Variants in TRIP12 observed in about 807,000 individuals in gnomAD.
TRIP12 encodes thyroid hormone receptor interactor 12, also known as E3 ubiquitin-protein ligase TRIP12.
In TRIP12, 25 loss-of-function variants were observed where a neutral mutation model predicts 244.2. That is an observed-to-expected ratio of 0.10 (90% confidence interval 0.07 to 0.14). The LOEUF is 0.14. TRIP12 is among the 10% of genes least tolerant of loss of function. TRIP12 has a pLI of 1.00. For synonymous variants in TRIP12, 905 were observed against 873.1 expected (o/e 1.04, Z -0.64); for missense variants, 1,677 against 2,486.4 (o/e 0.67, Z 6.92).
chr2:229,858,778 A>C lies in TRIP12; in HGVS notation c.1021T>G (p.Leu341Val). 1 of 1,565,088 alleles carries C rather than the reference A, an allele frequency of 6.4e-7. No individual in the cohort carries two copies. The highest frequency in any genetic ancestry group is 8.7e-7 in the Non-Finnish European group (1 of 1,154,468). ...KPGPSGLQAK[L>V]ASLRKSTKKR... ...TACCTTTTTGTAAACTTACTTGCTA[A>C]TTTGGCCTGTAATCCAGAAGGTCCA... Residue 341 changes from leucine (L) to valine (V), a missense_variant, in exon 4 of 42, where the codon TTA (leucine) becomes GTA (valine). Around this residue, in one of 11 missense-constraint regions of TRIP12, gnomAD observed 143 missense variants for 215.6 expected, o/e 0.66. Transcript: ENST00000675903.
chr2:229,884,572 T>A (rs922037758), intron 1 of TRIP12, among the ~76,000 whole-genome samples: 5 of 152,040 alleles, frequency 3.3e-5, no homozygotes, highest in African/African-American at 1.2e-4. Flanking sequence ...ATTCTTAATA[T>A]CATACGCACA....
intron 4 of TRIP12, among the ~76,000 whole-genome samples, chr2:229,850,923 G>C (rs750192424): frequency 6.6e-6 from 1 of 152,238 alleles, no homozygotes; most frequent in Non-Finnish European, 1.5e-5. Context: ...CGCTGCACTC[G>C]ATTTCTCGCC....
In TRIP12 at chr2:229,769,243, T is replaced by A; in HGVS notation, c.5891A>T (p.Tyr1964Phe). The A allele has an allele frequency of 6.2e-7, 1 of 1,613,466 alleles. No homozygotes were observed. The highest frequency in any genetic ancestry group is 8.5e-7 in the Non-Finnish European group (1 of 1,179,698). Residue 1964 changes from tyrosine to phenylalanine, a missense_variant, in exon 40 of 42, where the codon TAT becomes TTT. This residue lies in a region of TRIP12 where 171 missense variants were observed against 388.4 expected (regional missense o/e 0.44). Coordinates refer to ENST00000675903, the MANE Select transcript of TRIP12 (RefSeq NM_001348323.3). ...CCCCAGTACTTACCTGTCATGAGTA[T>A]AACCATGATCAGGCCTACAGCATTC... ...LMECCRPDHG[Y>F]THDSRAVKFL...
chr2:229,785,500 A>G (rs572889110), intron 34 of TRIP12, among the ~76,000 whole-genome samples: 2 of 152,370 alleles, frequency 1.3e-5, no homozygotes, highest in Non-Finnish European at 2.9e-5. Context: ...GAAAGTTATC[A>G]GCTGTTTAAA....
intron 8 of TRIP12, among the ~76,000 whole-genome samples, chr2:229,821,592 T>A (rs1335210826): frequency 6.6e-6 from 1 of 152,188 alleles, no homozygotes; most frequent in African/African-American, 2.4e-5. Context: ...TGAAATTTGA[T>A]CTGCATTTAA....
intron 13 of TRIP12, among the ~76,000 whole-genome samples, chr2:229,813,423 TAAA>T (rs2047740327): frequency 6.6e-6 from 1 of 152,074 alleles, no homozygotes; most frequent in Non-Finnish European, 1.5e-5. Context: ...TGGATAAAAA[TAAA>T]AAATATCAGA....
At chr2:229,787,307 G>A (rs180905421) in intron 33 of TRIP12, among the ~76,000 whole-genome samples, 198 bp downstream of exon 33, 16 of 152,216 alleles carry the variant, frequency 1.1e-4, no homozygotes, top group Admixed American at 7.2e-4. Context: ...AAACTGGGGG[G>A]TGGGGAGGAG....
At chr2:229,845,026 C>A (rs1376258058) in intron 4 of TRIP12, among the ~76,000 whole-genome samples, 2 of 152,166 alleles carry the variant, frequency 1.3e-5, no homozygotes, top group African/African-American at 4.8e-5. Flanking sequence ...CTCCACCATA[C>A]TGATTCATTC....
chr2:229,912,753 A>G (rs2074568332), intron 1 of TRIP12, among the ~76,000 whole-genome samples: 1 of 152,238 alleles, frequency 6.6e-6, no homozygotes. Context: ...CTCATCTACA[A>G]CAAAGTACAT....
intron 2 of TRIP12, among the ~76,000 whole-genome samples, chr2:229,871,670 T>A (rs2062627966): frequency 6.6e-6 from 1 of 152,206 alleles, no homozygotes. Flanking sequence ...AAACCTCTTT[T>A]CTTTATAAAT....
At position 229,764,123 on chromosome 2, in the gene TRIP12, A is replaced by G. The variant is rs1468682230; in HGVS notation, c.*3431T>C. The G allele has an allele frequency of 1.3e-5, 2 of 152,230 alleles. No individual in the cohort carries two copies. Among genetic ancestry groups the G allele is most frequent in the Non-Finnish European group, 2.9e-5 (2 of 68,034 alleles). The allele number at this position is 152,230 out of a possible 1,614,324, so 9.4% of individuals were successfully genotyped here. On this transcript the variant is annotated 3_prime_UTR_variant, in exon 42 of 42. Transcript: ENST00000675903. ...TAGCATTAAGAACTTTTCCTTGCAT[A>G]AGAATTGTTAACTTGAAGTTCTTGG...
chr2:229,821,488 C>T (rs2050046450), intron 8 of TRIP12, among the ~76,000 whole-genome samples: 1 of 152,134 alleles, frequency 6.6e-6, no homozygotes, highest in South Asian at 2.1e-4. Context: ...TGCAACTACT[C>T]AACTCTAGCA....
intron 19 of TRIP12, 105 bp downstream of exon 19, chr2:229,803,868 GACAAAAAAGAGCTCAAGATACTCCTA>G (rs1317020720): frequency 7.9e-6 from 7 of 880,528 alleles, no homozygotes; most frequent in Non-Finnish European, 1.0e-5. Flanking sequence ...AATATAAATA[GACAAAAAAGAGCTCAAGATACTCCTA>G]ACAAATTTTT....
intron 21 of TRIP12, among the ~76,000 whole-genome samples, chr2:229,801,214 A>G (rs145273228): frequency 1.3e-5 from 2 of 152,196 alleles, no homozygotes; most frequent in Admixed American, 6.5e-5. Context: ...ATCTCCTCAG[A>G]CTGGTCAAAC....
chr2:229,780,455 AC>A (rs1384756835), intron 34 of TRIP12, among the ~76,000 whole-genome samples: 2 of 152,088 alleles, frequency 1.3e-5, no homozygotes, highest in African/African-American at 4.8e-5. Context: ...TCCTTACAAA[AC>A]ACAAGTTCGC....
intron 27 of TRIP12, among the ~76,000 whole-genome samples, chr2:229,792,536 G>A (rs1482100954): frequency 2.0e-5 from 3 of 152,178 alleles, no homozygotes; most frequent in African/African-American, 7.2e-5. Context: ...GAAACAAAGT[G>A]TATGTACATT....
At position 229,802,182 on chromosome 2, in the gene TRIP12, A is replaced by G. The variant is rs10432554; in HGVS notation, c.3206+70T>C. 0.34 allele frequency: 431,729 copies of G among 1,262,686 alleles called. 77,094 individuals carry two copies. Among genetic ancestry groups the G allele is most frequent in the East Asian group, 0.4 (15,822 of 39,574 alleles). 78.2% of individuals were successfully genotyped at this position (1,262,686 alleles called of 1,614,324 possible). ...CTAATATGTTACCATTTTACTCCCT[A>G]TATGATTCTTAGGTACCAAAGCAGC... On this transcript the variant is annotated intron_variant, in intron 21 of 41. Transcript: ENST00000675903.
intron 7 of TRIP12, 24 bp downstream of exon 7, chr2:229,830,732 T>C (rs2053130525): frequency 1.9e-6 from 3 of 1,601,570 alleles, no homozygotes; most frequent in Non-Finnish European, 2.6e-6. Flanking sequence ...AATGGTTTCT[T>C]ATAGGCTCAA....
At chr2:229,775,072 C>T (rs1029625443) in intron 37 of TRIP12, among the ~76,000 whole-genome samples, 7 of 152,052 alleles carry the variant, frequency 4.6e-5, no homozygotes, top group African/African-American at 9.7e-5. Flanking sequence ...GAAATGCCTC[C>T]GTGTATGAAA....
Sources: gnomAD v4.1 joint callset for allele counts (sites outside exome capture counted in the v4.1 genomes callset) on GRCh38, gnomAD v4.1.1 for gene constraint, gnomAD v4.1.1 regional missense constraint, MANE v1.5 for transcripts, NCBI Gene and HGNC (gene_info 2026-07-23, HGNC 2026-07-21) for gene names.